The following RORB variants were observed in gnomAD, a reference collection of about 807,000 sequenced individuals.
The protein encoded by RORB is RAR related orphan receptor B, also known as nuclear receptor ROR-beta.
Under a neutral mutation model 59.1 loss-of-function variants are expected in RORB, and 6 were observed. The observed-to-expected ratio is 0.10, with a 90% CI of 0.06 to 0.20. The LOEUF (loss-of-function observed/expected upper bound fraction) is 0.20. Among genes scored for constraint, RORB ranks in the 10% least tolerant of loss-of-function variants. The pLI, the probability that RORB is intolerant of heterozygous loss-of-function variation, is 1.00. For missense variants in RORB, 320 were observed against 560.5 expected, an observed-to-expected ratio of 0.57 and a Z score of 4.33; for synonymous variants, 215 against 204.5, an observed-to-expected ratio of 1.05 and a Z score of -0.44.
At chr9:74,613,104 T>A (rs1012912841) in intron 1 of RORB, among the ~76,000 whole-genome samples, 5 of 152,008 alleles carry the variant, frequency 3.3e-5, no homozygotes, top group African/African-American at 1.2e-4. Context: ...ATAACCAGAG[T>A]CAACAGCCAA....
intron 1 of RORB, among the ~76,000 whole-genome samples, chr9:74,627,444 GAGTCTGGATTATA>G (rs1174413371): frequency 2.6e-5 from 4 of 152,094 alleles, no homozygotes; most frequent in African/African-American, 9.7e-5. Context: ...ATTACATGTT[GAGTCTGGATTATA>G]AATATGTATA....
chr9:74,654,378 A>G (rs1198060923), intron 4 of RORB, among the ~76,000 whole-genome samples: 2 of 150,266 alleles, frequency 1.3e-5, no homozygotes, highest in Admixed American at 1.3e-4. Flanking sequence ...GAGAGTAAGG[A>G]GACTCAGCTA....
At chr9:74,665,627 A>G (rs373836853) in intron 7 of RORB, 32 bp downstream of exon 7, 37 of 1,313,630 alleles carry the variant, frequency 2.8e-5, no homozygotes, top group Non-Finnish European at 3.7e-5. Context: ...ACACAATTTT[A>G]TTAGCCACCA....
intron 2 of RORB, among the ~76,000 whole-genome samples, chr9:74,630,921 C>T (rs1823607938): frequency 6.6e-6 from 1 of 152,080 alleles, no homozygotes. Context: ...CACCTGCCCC[C>T]ACCCACCTCT....
chr9:74,635,783 C>A (rs547841555), intron 3 of RORB, among the ~76,000 whole-genome samples: 1 of 152,084 alleles, frequency 6.6e-6, no homozygotes, highest in Non-Finnish European at 1.5e-5. Context: ...AAATTCAAGG[C>A]TGTATAGACA....
intron 4 of RORB, 108 bp from the exon 5 acceptor site, chr9:74,660,509 A>T: frequency 1.1e-6 from 1 of 918,092 alleles, no homozygotes; most frequent in Non-Finnish European, 1.6e-6. Context: ...AAGACACTTT[A>T]ATACAATAGG....
chr9:74,628,975 C>G (rs1475455564), intron 1 of RORB, among the ~76,000 whole-genome samples: 1 of 152,076 alleles, frequency 6.6e-6, no homozygotes, highest in Non-Finnish European at 1.5e-5. Flanking sequence ...TCCCATGCCC[C>G]ACCATATTCC....
At chr9:74,552,587 G>C (rs112746902) in intron 1 of RORB, among the ~76,000 whole-genome samples, 1 of 151,948 alleles carries the variant, frequency 6.6e-6, no homozygotes, top group Non-Finnish European at 1.5e-5. Flanking sequence ...ATAGTTCAAC[G>C]TAGGGTCATG....
chr9:74,572,163 GT>G (rs1225412522), intron 1 of RORB, among the ~76,000 whole-genome samples: 3 of 152,080 alleles, frequency 2.0e-5, no homozygotes, highest in Admixed American at 6.6e-5. Context: ...CCATCGTTCT[GT>G]CTCTTTTTAA....
At chr9:74,518,576 C>T (rs908545234) in intron 1 of RORB, among the ~76,000 whole-genome samples, 2 of 151,976 alleles carry the variant, frequency 1.3e-5, no homozygotes, top group Non-Finnish European at 2.9e-5. Context: ...CTTTGCCCCG[C>T]CACGATCCTC....
chr9:74,608,420 C>T (rs576034149), intron 1 of RORB, among the ~76,000 whole-genome samples: 31 of 151,962 alleles, frequency 2.0e-4, no homozygotes, highest in African/African-American at 4.8e-4. Context: ...AAAAATAAGC[C>T]GGGCGTGGTG....
intron 9 of RORB, among the ~76,000 whole-genome samples, chr9:74,683,320 A>ATT (rs1306290808): frequency 1.3e-5 from 2 of 152,012 alleles, no homozygotes; most frequent in Non-Finnish European, 2.9e-5. Context: ...AGTTTGAATA[A>ATT]TTTCCCAAGC....
intron 1 of RORB, among the ~76,000 whole-genome samples, chr9:74,566,337 T>C (rs1433837942): frequency 6.6e-6 from 1 of 152,060 alleles, no homozygotes; most frequent in Non-Finnish European, 1.5e-5. Flanking sequence ...TACTAGATAA[T>C]GCATATACAT....
At chr9:74,560,403 T>C (rs1822377050) in intron 1 of RORB, among the ~76,000 whole-genome samples, 1 of 152,144 alleles carries the variant, frequency 6.6e-6, no homozygotes, top group African/African-American at 2.4e-5. Context: ...CCACATAAAG[T>C]GTATTAAAGA....
At chr9:74,593,146 G>A (rs1457926032) in intron 1 of RORB, among the ~76,000 whole-genome samples, 3 of 151,996 alleles carry the variant, frequency 2.0e-5, no homozygotes, top group African/African-American at 2.4e-5. Flanking sequence ...TGCAAGTCAG[G>A]CACCAAAACC....
Position 74,692,330 on chromosome 9 carries a change from A to C in RORB, c.*6712A>C, listed in dbSNP as rs1042858493. 2 of 152,258 alleles carry C rather than the reference A, an allele frequency of 1.3e-5. No individual in the cohort carries two copies. The highest frequency in any genetic ancestry group is 4.8e-5 in the African/African-American group (2 of 41,474). The allele number at this position is 152,258 out of a possible 1,614,324, so 9.4% of individuals were successfully genotyped here. ...TTATGATGATCGATTTATAATGATA[A>C]AAAGATATTTAGATTTAAATGAGAC... On this transcript the variant is annotated 3_prime_UTR_variant, in exon 10 of 10. Transcript: ENST00000376896.
chr9:74,586,183 G>A (rs934750848), intron 1 of RORB, among the ~76,000 whole-genome samples: 7 of 151,830 alleles, frequency 4.6e-5, no homozygotes, highest in African/African-American at 1.2e-4. Context: ...AAAATCTAGA[G>A]TTAACAGATA....
At chr9:74,666,354 G>C (rs956328347) in intron 7 of RORB, among the ~76,000 whole-genome samples, 5 of 151,890 alleles carry the variant, frequency 3.3e-5, no homozygotes, top group Non-Finnish European at 5.9e-5. Flanking sequence ...CCAGCTACTT[G>C]GGAGGCTGAG....
At chr9:74,593,895 T>C (rs989564178) in intron 1 of RORB, among the ~76,000 whole-genome samples, 3 of 152,206 alleles carry the variant, frequency 2.0e-5, no homozygotes, top group Non-Finnish European at 4.4e-5. Context: ...GGTCTTGATA[T>C]AGTACATCAG....
Sources: allele counts gnomAD v4.1 joint callset (sites outside exome capture counted in the v4.1 genomes callset), GRCh38; gene constraint gnomAD v4.1.1; transcripts MANE v1.5; gene names NCBI Gene and HGNC (gene_info 2026-07-23, HGNC 2026-07-21).